Variants in SOX6 observed in about 807,000 individuals in gnomAD.
SOX6 encodes the protein SRY-box transcription factor 6, also known as transcription factor SOX-6.
Under a neutral mutation model 97.8 loss-of-function variants are expected in SOX6, and 11 were observed. That is an observed-to-expected ratio of 0.11 (90% CI 0.07 to 0.19). The LOEUF (loss-of-function observed/expected upper bound fraction) is 0.19. Ranked by LOEUF, SOX6 falls within the 10% of genes least tolerant of loss-of-function variation. The pLI is 1.00. For synonymous variants in SOX6, 360 were observed against 371.4 expected (o/e 0.97, Z 0.35); for missense variants, 810 against 1,039.5 (o/e 0.78, Z 3.04).
intron 4 of SOX6, among the ~76,000 whole-genome samples, chr11:16,496,982 G>A (rs1047705006): frequency 3.9e-5 from 6 of 152,182 alleles, no homozygotes; most frequent in Non-Finnish European, 5.9e-5. Context: ...GGTTCTCCCA[G>A]CACACAGCTG....
chr11:15,971,779 G>T lies in SOX6; in HGVS notation c.*1030C>A, dbSNP rs140754413. 1 of 152,636 alleles carries T rather than the reference G, an allele frequency of 6.6e-6. No individual in the cohort carries two copies. Among genetic ancestry groups the T allele is most frequent in the African/African-American group, 2.4e-5 (1 of 41,516 alleles). The allele number at this position is 152,636 out of a possible 1,614,324, so 9.5% of individuals were successfully genotyped here. ...CGGAAAAGTTCTTCGGGGAAGGAAGGTGAAAAACAAGAATTATTAAATTAA... is the reference window on the plus strand; with the variant it reads ...CGGAAAAGTTCTTCGGGGAAGGAAGTTGAAAAACAAGAATTATTAAATTAA... On this transcript the variant is annotated 3_prime_UTR_variant, in exon 16 of 16. Coordinates refer to ENST00000683767, the MANE Select transcript of SOX6 (RefSeq NM_001367873.1).
chr11:16,311,679 T>G (rs754849663), intron 3 of SOX6: 2 of 151,742 alleles, frequency 1.3e-5, no homozygotes, highest in African/African-American at 4.8e-5. Context: ...ACAGGCAACC[T>G]AGCTCCAGAG....
intron 3 of SOX6, among the ~76,000 whole-genome samples, chr11:16,256,194 A>T (rs547381176): frequency 1.9e-4 from 29 of 152,120 alleles, no homozygotes; most frequent in Middle Eastern, 3.4e-3. Context: ...TTCCTAACTC[A>T]TTTTATCAGG....
At chr11:16,108,395 C>T (rs549706692) in intron 7 of SOX6, among the ~76,000 whole-genome samples, 25 of 152,204 alleles carry the variant, frequency 1.6e-4, no homozygotes, top group Non-Finnish European at 3.1e-4. Flanking sequence ...GGCTACTCAT[C>T]GTTTCTGTTT....
chr11:16,611,577 T>C (rs1848399491), intron 4 of SOX6, among the ~76,000 whole-genome samples: 1 of 152,210 alleles, frequency 6.6e-6, no homozygotes, highest in African/African-American at 2.4e-5. Flanking sequence ...AAACCAACAC[T>C]TCAGCTGCCC....
At chr11:16,152,925 G>A (rs1029039314) in intron 6 of SOX6, among the ~76,000 whole-genome samples, 3 of 151,856 alleles carry the variant, frequency 2.0e-5, no homozygotes, top group Admixed American at 6.6e-5. Context: ...TGAGTGCAGT[G>A]GCGCTATCTC....
chr11:16,505,321 C>G (rs986740909), intron 4 of SOX6, among the ~76,000 whole-genome samples: 1 of 152,146 alleles, frequency 6.6e-6, no homozygotes. Context: ...CATTTTGCCC[C>G]TGCCTGAACT....
intron 6 of SOX6, among the ~76,000 whole-genome samples, chr11:16,131,826 C>T (rs960567290): frequency 6.6e-6 from 1 of 152,024 alleles, no homozygotes; most frequent in South Asian, 2.1e-4. Context: ...ACAGAAAAGA[C>T]TATTTATTGT....
intron 1 of SOX6, among the ~76,000 whole-genome samples, chr11:16,389,185 T>C (rs1381366309): frequency 6.6e-6 from 1 of 152,138 alleles, no homozygotes; most frequent in African/African-American, 2.4e-5. Flanking sequence ...TGGACTCAAG[T>C]GATCCTCCTA....
chr11:16,251,687 CA>C (rs1233284486), intron 3 of SOX6, among the ~76,000 whole-genome samples: 1 of 151,874 alleles, frequency 6.6e-6, no homozygotes. Context: ...CAATGTAGTA[CA>C]AACTTGGGAA....
chr11:16,169,925 T>TAA (rs10603433), intron 6 of SOX6, among the ~76,000 whole-genome samples: 3 of 148,938 alleles, frequency 2.0e-5, no homozygotes, highest in Non-Finnish European at 3.0e-5. Flanking sequence ...TGTGTTTATG[T>TAA]AAAAAAAAAA....
intron 13 of SOX6, among the ~76,000 whole-genome samples, chr11:16,006,650 C>T (rs866981298): frequency 5.3e-5 from 8 of 152,042 alleles, no homozygotes; most frequent in Non-Finnish European, 1.0e-4. Flanking sequence ...CATTGCTGTC[C>T]ACAAAGCTTC....
chr11:16,148,865 A>C (rs765206566), intron 6 of SOX6, among the ~76,000 whole-genome samples: 5 of 152,172 alleles, frequency 3.3e-5, no homozygotes, highest in Non-Finnish European at 5.9e-5. Context: ...AAGAAAAAAA[A>C]AGATAACCTT....
At chr11:16,481,669 T>C (rs1242236231) in intron 4 of SOX6, among the ~76,000 whole-genome samples, 2 of 152,120 alleles carry the variant, frequency 1.3e-5, no homozygotes, top group Non-Finnish European at 2.9e-5. Context: ...GGAAACTTTA[T>C]GGAAACCATG....
chr11:16,506,579 A>G lies in SOX6; in HGVS notation n.610-30191T>C, dbSNP rs188510437. ...CATGATTGTGTTTTAAAATGTGAGA[A>G]GGACATGAGATTTGGCAGGGGCCAA... On this transcript the variant is annotated intron_variant and non_coding_transcript_variant, in intron 4 of 5. Coordinates refer to the SOX6 transcript ENST00000524520. 6.9e-3 allele frequency among the ~76,000 whole-genome samples: 1,056 copies of G among 152,310 alleles called. 9 individuals carry two copies. The highest frequency in any genetic ancestry group is 0.024 in the African/African-American group (1,008 of 41,564).
intron 4 of SOX6, among the ~76,000 whole-genome samples, chr11:16,202,212 C>T (rs987149207): frequency 1.3e-5 from 2 of 152,000 alleles, no homozygotes; most frequent in Non-Finnish European, 2.9e-5. Flanking sequence ...TGAAAATACA[C>T]ACAAAGAAAA....
At chr11:16,143,025 G>C (rs1353768617) in intron 6 of SOX6, among the ~76,000 whole-genome samples, 1 of 152,088 alleles carries the variant, frequency 6.6e-6, no homozygotes, top group African/African-American at 2.4e-5. Context: ...TCCTCGAGAA[G>C]AGCAACTCCA....
intron 3 of SOX6, chr11:16,314,099 AAC>A (rs1855691499): frequency 6.6e-6 from 1 of 152,278 alleles, no homozygotes; most frequent in South Asian, 2.1e-4. Flanking sequence ...TGTGCTAAAA[AAC>A]AGTCAGTGGT....
chr11:16,137,373 C>T (rs575198284), intron 6 of SOX6, among the ~76,000 whole-genome samples: 7 of 152,240 alleles, frequency 4.6e-5, no homozygotes, highest in South Asian at 2.1e-4. Flanking sequence ...TTGCAGTGAG[C>T]TGAGATCACA....
Sources: gnomAD v4.1 joint callset for allele counts (sites outside exome capture counted in the v4.1 genomes callset) on GRCh38, gnomAD v4.1.1 for gene constraint, MANE v1.5 for transcripts, NCBI Gene and HGNC (gene_info 2026-07-23, HGNC 2026-07-21) for gene names.